The following ANKS1B variants were observed in gnomAD, a reference collection of about 807,000 sequenced individuals.
ANKS1B encodes the protein ankyrin repeat and sterile alpha motif domain-containing protein 1B.
Under a neutral mutation model 148.3 loss-of-function variants are expected in ANKS1B, and 36 were observed. The ratio of observed to expected loss-of-function variants is 0.24; its 90% confidence interval spans 0.19 to 0.32. The LOEUF (loss-of-function observed/expected upper bound fraction) is 0.32, where lower values mean the gene tolerates loss of function less well. Ranked by LOEUF, ANKS1B falls within the 10% of genes least tolerant of loss-of-function variation. The probability of loss-of-function intolerance (pLI) is 1.00; values close to 1 mark genes in which losing one functional copy is unlikely to be tolerated. For synonymous variants in ANKS1B, 542 were observed against 560.8 expected, an observed-to-expected ratio of 0.97 and a Z score of 0.47; for missense variants, 1,157 against 1,542.6, an observed-to-expected ratio of 0.75 and a Z score of 4.19.
chr12:99,545,468 G>T (rs12582372), intron 9 of ANKS1B, among the ~76,000 whole-genome samples: 2,213 of 152,036 alleles, frequency 0.015, 61 homozygotes, highest in East Asian at 0.1. Context: ...AGCCTCTCTG[G>T]GTTTTGTTTG....
rs189454750 is a variant in ANKS1B, at chr12:98,947,434, G to T, written c.2778+105723C>A. On this transcript the variant is annotated intron_variant, in intron 17 of 26. Coordinates refer to ENST00000683438, the MANE Select transcript of ANKS1B (RefSeq NM_001352186.2). ...AGGCAGAGCCAACAGGATTTCCTGAGTATAGGGGAATGTGGGAGAAAAGCA... is the reference window on the plus strand; with the variant it reads ...AGGCAGAGCCAACAGGATTTCCTGATTATAGGGGAATGTGGGAGAAAAGCA... Among the ~76,000 whole-genome samples, 5 of 152,298 alleles carry T rather than the reference G, an allele frequency of 3.3e-5. No homozygotes were observed. The East Asian group carries it at 9.6e-4, about 29-fold the overall frequency.
chr12:99,617,082 C>T (rs1328073197), intron 9 of ANKS1B, among the ~76,000 whole-genome samples: 1 of 152,086 alleles, frequency 6.6e-6, no homozygotes, highest in Non-Finnish European at 1.5e-5. Flanking sequence ...CAAATCAAAA[C>T]TACAATGAGA....
chr12:99,615,821 G>A lies in ANKS1B; in HGVS notation c.1272+39246C>T, dbSNP rs544218826. Among the ~76,000 whole-genome samples, 902 of 152,104 alleles carry A rather than the reference G, an allele frequency of 5.9e-3. 7 individuals are homozygous for A. Among genetic ancestry groups the A allele is most frequent in the African/African-American group, 0.021 (862 of 41,496 alleles). ...AATCAGGCAAGAGAAAGAAATAAAG[G>A]GTATTCAAATAGGAAGACAGGAAGT... On this transcript the variant is annotated intron_variant, in intron 9 of 26. Coordinates refer to ENST00000683438, the MANE Select transcript of ANKS1B (RefSeq NM_001352186.2).
chr12:99,321,403 G>A (rs943603746), intron 12 of ANKS1B, among the ~76,000 whole-genome samples: 4 of 152,196 alleles, frequency 2.6e-5, no homozygotes, highest in Non-Finnish European at 4.4e-5. Context: ...CCTCGGCAAT[G>A]GCGGACGCCC....
chr12:99,791,990 T>A (rs895621841), intron 4 of ANKS1B, among the ~76,000 whole-genome samples: 1 of 151,158 alleles, frequency 6.6e-6, no homozygotes, highest in Non-Finnish European at 1.5e-5. Context: ...AAAAACACAA[T>A]TGACAAACCT....
rs1439832985 is a variant in ANKS1B at position 99,633,334 on chromosome 12, C to T, written c.1272+21733G>A. 3.9e-5 allele frequency among the ~76,000 whole-genome samples: 6 copies of T among 152,098 alleles called. No individual in the cohort carries two copies. In the East Asian group the frequency reaches 5.8e-4, roughly 15 times the overall value. ...CAGAGCCCTCAGAAATAATACCACA[C>T]ATCTACAACTATCTGATCTTTGACA... is the stretch of plus-strand genomic sequence containing the variant. On this transcript the variant is annotated intron_variant, in intron 9 of 26. Coordinates refer to ENST00000683438, the MANE Select transcript of ANKS1B (RefSeq NM_001352186.2).
chr12:99,828,647 A>G (rs1023894595), intron 1 of ANKS1B, among the ~76,000 whole-genome samples: 2 of 152,186 alleles, frequency 1.3e-5, no homozygotes, highest in African/African-American at 4.8e-5. Context: ...ATTAGAAAAG[A>G]TAATGAATGT....
chr12:99,233,986 T>C (rs945279719), intron 14 of ANKS1B, among the ~76,000 whole-genome samples: 3 of 152,072 alleles, frequency 2.0e-5, no homozygotes, highest in Admixed American at 1.3e-4. Flanking sequence ...GGCAAGAGAA[T>C]CCAAATGTAA....
intron 8 of ANKS1B, among the ~76,000 whole-genome samples, chr12:99,737,363 T>C (rs554763324): frequency 6.6e-6 from 1 of 152,208 alleles, no homozygotes; most frequent in African/African-American, 2.4e-5. Context: ...CCATAAACAA[T>C]GAGATCCTGT....
intron 1 of ANKS1B, among the ~76,000 whole-genome samples, chr12:99,892,000 A>G (rs2093135324): frequency 6.6e-6 from 1 of 151,962 alleles, no homozygotes; most frequent in Admixed American, 6.6e-5. Context: ...TTTCCATAAT[A>G]GGTTTTTTTG....
intron 14 of ANKS1B, among the ~76,000 whole-genome samples, chr12:99,213,272 C>G (rs1663780941): frequency 6.6e-6 from 1 of 152,208 alleles, no homozygotes; most frequent in African/African-American, 2.4e-5. Flanking sequence ...GTGCTGGAAG[C>G]CTGGCAGCGG....
intron 17 of ANKS1B, among the ~76,000 whole-genome samples, chr12:99,006,129 G>T (rs564894001): frequency 3.9e-5 from 6 of 152,308 alleles, no homozygotes; most frequent in African/African-American, 1.4e-4. Flanking sequence ...AACACTTTCA[G>T]ATAGGCTGCA....
intron 10 of ANKS1B, among the ~76,000 whole-genome samples, chr12:99,472,564 T>C (rs1327115409): frequency 6.6e-6 from 1 of 152,154 alleles, no homozygotes; most frequent in Non-Finnish European, 1.5e-5. Context: ...AATTCTGTTT[T>C]CATTTTAACT....
chr12:99,734,842 T>C (rs2059473179), intron 8 of ANKS1B, among the ~76,000 whole-genome samples: 1 of 152,180 alleles, frequency 6.6e-6, no homozygotes, highest in Non-Finnish European at 1.5e-5. Flanking sequence ...GTCAGTGATC[T>C]CCTCTCAGTT....
intron 12 of ANKS1B, among the ~76,000 whole-genome samples, chr12:99,390,768 G>T (rs1470405416): frequency 6.6e-5 from 10 of 152,196 alleles, no homozygotes; most frequent in Admixed American, 6.5e-4. Context: ...ATGAGACCCA[G>T]AGGTACCTGG....
chr12:99,299,061 C>CTT (rs67720875), intron 12 of ANKS1B, among the ~76,000 whole-genome samples: 42 of 142,592 alleles, frequency 2.9e-4, no homozygotes, highest in African/African-American at 5.4e-4. Context: ...ATGTTTGTTG[C>CTT]TTTTTTTTTT....
At chr12:99,175,787 A>G (rs1273084661) in intron 14 of ANKS1B, among the ~76,000 whole-genome samples, 1 of 152,160 alleles carries the variant, frequency 6.6e-6, no homozygotes, top group Non-Finnish European at 1.5e-5. Context: ...TCCACCTACG[A>G]TGCTGTGTTT....
chr12:99,666,236 C>T (rs2098506158), intron 8 of ANKS1B, among the ~76,000 whole-genome samples: 1 of 152,142 alleles, frequency 6.6e-6, no homozygotes, highest in Admixed American at 6.5e-5. Context: ...AGAGAAACCT[C>T]CAAATTTGTT....
chr12:99,699,885 T>C (rs2054537298), intron 8 of ANKS1B, among the ~76,000 whole-genome samples: 1 of 152,198 alleles, frequency 6.6e-6, no homozygotes. Context: ...TTCCTGCATA[T>C]AATTATTCTA....
Sources: allele counts gnomAD v4.1 joint callset (sites outside exome capture counted in the v4.1 genomes callset), GRCh38; gene constraint gnomAD v4.1.1; transcripts MANE v1.5; gene names NCBI Gene and HGNC (gene_info 2026-07-23, HGNC 2026-07-21).